The following PCDHA9 variants were observed in gnomAD, a reference collection of about 807,000 sequenced individuals.
The protein encoded by PCDHA9 is protocadherin alpha 9, also known as protocadherin alpha-9.
In PCDHA9, 62 loss-of-function variants were observed where a neutral mutation model predicts 62.0. That is an observed-to-expected ratio of 1.00 (90% CI 0.81 to 1.23). The LOEUF is 1.23. Ranked by LOEUF, PCDHA9 falls within the 50% of genes most tolerant of loss-of-function variation. The pLI, the probability that PCDHA9 is intolerant of heterozygous loss-of-function variation, is 0.00. For synonymous variants in PCDHA9, 557 were observed against 567.6 expected, an observed-to-expected ratio of 0.98 and a Z score of 0.27; for missense variants, 1,205 against 1,249.8, an observed-to-expected ratio of 0.96 and a Z score of 0.54.
chr5:140,898,263 C>T lies in PCDHA9; in HGVS notation c.2394+47374C>T, dbSNP rs1420763503. The stretch of plus-strand genomic sequence containing the variant: ...GGTGTTTTAGACATGAAGTCCTTGC[C>T]CATGCCTAAGTTCTGAATGGTAATG... On this transcript the variant is annotated intron_variant, in intron 1 of 3. Transcript: ENST00000532602. 2.0e-5 allele frequency among the ~76,000 whole-genome samples: 3 copies of T among 152,270 alleles called. No individual in the cohort carries two copies. In the East Asian group the frequency reaches 5.8e-4, roughly 29 times the overall value.
chr5:140,884,409 C>A (rs373513056), intron 1 of PCDHA9: 1 of 1,613,992 alleles, frequency 6.2e-7, no homozygotes, highest in Non-Finnish European at 8.5e-7. Context: ...TTGGTGCTCA[C>A]GTTGCTGCTG....
At chr5:140,940,498 C>T (rs185491489) in intron 1 of PCDHA9, among the ~76,000 whole-genome samples, 7 of 151,984 alleles carry the variant, frequency 4.6e-5, no homozygotes, top group Non-Finnish European at 8.8e-5. Flanking sequence ...AGTCTTGCTC[C>T]GTCGCTCAGG....
chr5:140,854,977 T>TAAA (rs1554147539), intron 1 of PCDHA9, among the ~76,000 whole-genome samples: 1 of 149,962 alleles, frequency 6.7e-6, no homozygotes, highest in Non-Finnish European at 1.5e-5. Flanking sequence ...GAATTATAAT[T>TAAA]AAGATTCTTT....
chr5:140,928,149 T>G (rs782254175), intron 1 of PCDHA9: 3 of 1,614,194 alleles, frequency 1.9e-6, no homozygotes, highest in Non-Finnish European at 2.5e-6. Context: ...CGGCCTCAGA[T>G]AGTGGCTCAC....
At chr5:140,905,036 T>A (rs2071554831) in intron 1 of PCDHA9, among the ~76,000 whole-genome samples, 1 of 152,222 alleles carries the variant, frequency 6.6e-6, no homozygotes, top group Non-Finnish European at 1.5e-5. Flanking sequence ...AGCTTTTTAG[T>A]TTAATTAGGT....
At position 141,010,397 on chromosome 5, in the gene PCDHA9, A is replaced by C; in HGVS notation, c.*460A>C. On this transcript the variant is annotated 3_prime_UTR_variant, in exon 4 of 4. Coordinates refer to ENST00000532602, the MANE Select transcript of PCDHA9 (RefSeq NM_031857.2). ...TGCCAGATATTGGCTGAGACGAGCC[A>C]GCTTAGACTAATTGGTACAAGGAAG... 7.5e-7 allele frequency: 1 copy of C among 1,329,462 alleles called. No individual in the cohort carries two copies. The highest frequency in any genetic ancestry group is 1.0e-6 in the Non-Finnish European group (1 of 994,158). The allele number at this position is 1,329,462 out of a possible 1,614,324, so 82.4% of individuals were successfully genotyped here.
chr5:140,987,122 G>A (rs1054053197), intron 3 of PCDHA9, among the ~76,000 whole-genome samples: 2 of 151,858 alleles, frequency 1.3e-5, no homozygotes, highest in African/African-American at 4.8e-5. Context: ...GCTGAGGCAG[G>A]AGAATTGCTT....
chr5:140,998,908 G>A (rs1203319313), intron 3 of PCDHA9, among the ~76,000 whole-genome samples: 2 of 152,162 alleles, frequency 1.3e-5, no homozygotes, highest in East Asian at 1.9e-4. Context: ...CCTCCGGGAG[G>A]TAGCTATTAT....
chr5:140,925,402 T>C (rs1379767028), intron 1 of PCDHA9, among the ~76,000 whole-genome samples: 1 of 152,110 alleles, frequency 6.6e-6, no homozygotes, highest in Non-Finnish European at 1.5e-5. Context: ...CTCGCCTCCT[T>C]CTTAGGGAAA....
At chr5:140,886,664 A>G (rs1404216677) in intron 1 of PCDHA9, among the ~76,000 whole-genome samples, 1 of 151,922 alleles carries the variant, frequency 6.6e-6, no homozygotes, top group East Asian at 1.9e-4. Flanking sequence ...TGTCTCTACT[A>G]AAAATACAAA....
At chr5:140,944,292 A>G (rs1330492011) in intron 1 of PCDHA9, among the ~76,000 whole-genome samples, 1 of 152,090 alleles carries the variant, frequency 6.6e-6, no homozygotes, top group Non-Finnish European at 1.5e-5. Context: ...GGCTCAAGCG[A>G]TCCTCCTACC....
rs2092672361 is a variant in PCDHA9, at chr5:140,940,726, G to A, written c.2395-38223G>A. On this transcript the variant is annotated intron_variant, in intron 1 of 3. Coordinates refer to ENST00000532602, the MANE Select transcript of PCDHA9 (RefSeq NM_031857.2). Reference sequence around the variant, plus strand: ...ATACCTGCTGTGTGCTGTTTCAGCTGGACAGCTCCATATTTTTATGTGTGC... The same window carrying A: ...ATACCTGCTGTGTGCTGTTTCAGCTAGACAGCTCCATATTTTTATGTGTGC... 3.9e-5 allele frequency among the ~76,000 whole-genome samples: 6 copies of A among 152,124 alleles called. No homozygotes were observed. The South Asian group carries it at 1.2e-3, about 31-fold the overall frequency.
chr5:140,957,145 T>A (rs1554222837), intron 1 of PCDHA9, among the ~76,000 whole-genome samples: 1 of 152,156 alleles, frequency 6.6e-6, no homozygotes, highest in Non-Finnish European at 1.5e-5. Context: ...GAACTAAAAA[T>A]TTTGGAGACA....
At chr5:140,949,181 A>G (rs2094350223) in intron 1 of PCDHA9, among the ~76,000 whole-genome samples, 2 of 151,604 alleles carry the variant, frequency 1.3e-5, no homozygotes, top group Non-Finnish European at 3.0e-5. Context: ...CAGAGAACAT[A>G]CTCTGCATGA....
At chr5:140,968,881 C>A in intron 1 of PCDHA9, 1 of 1,614,154 alleles carries the variant, frequency 6.2e-7, no homozygotes, top group Non-Finnish European at 8.5e-7. Context: ...CTGAAATTAC[C>A]CTTTATCTAA....
chr5:140,861,565 T>C (rs1191527978), intron 1 of PCDHA9: 2 of 376,886 alleles, frequency 5.3e-6, no homozygotes, highest in South Asian at 4.9e-5. Flanking sequence ...GTGGACAAGC[T>C]GCTACAGGTT....
intron 1 of PCDHA9, among the ~76,000 whole-genome samples, chr5:140,936,396 A>G (rs983509296): frequency 1.4e-4 from 22 of 152,112 alleles, no homozygotes; most frequent in African/African-American, 5.3e-4. Flanking sequence ...AAACTGGGCT[A>G]CTCAATTTTT....
chr5:140,911,724 C>T (rs1255448143), intron 1 of PCDHA9, among the ~76,000 whole-genome samples: 1 of 151,192 alleles, frequency 6.6e-6, no homozygotes, highest in Non-Finnish European at 1.5e-5. Context: ...ACTCTGTAAA[C>T]AGTTCGTGCC....
intron 1 of PCDHA9, chr5:140,876,792 A>T: frequency 6.2e-7 from 1 of 1,614,116 alleles, no homozygotes; most frequent in Non-Finnish European, 8.5e-7. Context: ...CCACGGCTAG[A>T]GTGTCCGTGG....
Sources: allele counts gnomAD v4.1 joint callset (sites outside exome capture counted in the v4.1 genomes callset), GRCh38; gene constraint gnomAD v4.1.1; transcripts MANE v1.5; gene names NCBI Gene and HGNC (gene_info 2026-07-23, HGNC 2026-07-21).